STXBP5: variants seen among roughly 807,000 people sequenced by gnomAD.
The protein encoded by STXBP5 is syntaxin binding protein 5.
Under a neutral mutation model 152.4 loss-of-function variants are expected in STXBP5, and 50 were observed. The ratio of observed to expected loss-of-function variants is 0.33; its 90% CI spans 0.26 to 0.42. The LOEUF (loss-of-function observed/expected upper bound fraction) is 0.42. Ranked by LOEUF, STXBP5 falls within the 10% of genes least tolerant of loss-of-function variation. STXBP5 has a pLI of 1.00. For missense variants in STXBP5, 1,167 were observed against 1,388.6 expected (o/e 0.84, Z 2.54); for synonymous variants, 492 against 494.7 (o/e 0.99, Z 0.07).
At chr6:147,241,228 C>G (rs1778524398) in intron 4 of STXBP5, among the ~76,000 whole-genome samples, 1 of 152,112 alleles carries the variant, frequency 6.6e-6, no homozygotes, top group South Asian at 2.1e-4. Flanking sequence ...ATGGTGTTCT[C>G]TGATATTAAC....
intron 25 of STXBP5, among the ~76,000 whole-genome samples, chr6:147,366,012 C>G (rs1178110122): frequency 6.6e-6 from 1 of 152,152 alleles, no homozygotes; most frequent in Non-Finnish European, 1.5e-5. Flanking sequence ...AGATAGGAAT[C>G]AAAGAAGGTG....
intron 9 of STXBP5, among the ~76,000 whole-genome samples, chr6:147,297,373 C>T (rs554513233): frequency 9.5e-4 from 145 of 152,174 alleles, no homozygotes; most frequent in African/African-American, 3.3e-3. Context: ...CAGAAATGAA[C>T]GTGAAATAAA....
intron 18 of STXBP5, among the ~76,000 whole-genome samples, chr6:147,330,287 G>T (rs1287582202): frequency 6.6e-6 from 1 of 152,108 alleles, no homozygotes; most frequent in African/African-American, 2.4e-5. Context: ...TAATGATTGT[G>T]TGTATATTAA....
rs570537951 is a variant in STXBP5, at chr6:147,320,495, G to C, written c.1802+4088G>C. 6.1e-4 allele frequency among the ~76,000 whole-genome samples: 92 copies of C among 152,058 alleles called. 4 individuals carry two copies. In the South Asian group the frequency reaches 0.019, roughly 31 times the overall value. ...AAAGAGGGTAGAGAGAAGCCCAGGAGTTCCACTGACACTCAAGAAAATACA... is the reference window on the plus strand; with the variant it reads ...AAAGAGGGTAGAGAGAAGCCCAGGACTTCCACTGACACTCAAGAAAATACA... On this transcript the variant is annotated intron_variant, in intron 16 of 27. Transcript: ENST00000321680.
intron 9 of STXBP5, among the ~76,000 whole-genome samples, chr6:147,302,172 A>G (rs1781854098): frequency 6.6e-6 from 1 of 152,158 alleles, no homozygotes; most frequent in Non-Finnish European, 1.5e-5. Context: ...TATATAATGA[A>G]GCCTAATGTT....
intron 26 of STXBP5, among the ~76,000 whole-genome samples, chr6:147,381,067 T>A (rs1002013734): frequency 2.6e-5 from 4 of 152,062 alleles, no homozygotes; most frequent in Non-Finnish European, 4.4e-5. Context: ...AAGCATCAGA[T>A]CTGATCTTGT....
At chr6:147,261,449 C>A (rs1582858336) in intron 5 of STXBP5, among the ~76,000 whole-genome samples, 1 of 151,980 alleles carries the variant, frequency 6.6e-6, no homozygotes, top group African/African-American at 2.4e-5. Context: ...ATCAGCAAGA[C>A]CCTTTTGAAT....
intron 16 of STXBP5, among the ~76,000 whole-genome samples, chr6:147,322,588 C>G (rs73586333): frequency 6.6e-6 from 1 of 152,112 alleles, no homozygotes; most frequent in Non-Finnish European, 1.5e-5. Context: ...AATTCAACAT[C>G]GAGTAGTCTT....
At chr6:147,305,031 G>C (rs1419465387) in intron 9 of STXBP5, among the ~76,000 whole-genome samples, 1 of 152,176 alleles carries the variant, frequency 6.6e-6, no homozygotes, top group Non-Finnish European at 1.5e-5. Context: ...CCCAGTGATA[G>C]AGTAAGTCAA....
intron 4 of STXBP5, among the ~76,000 whole-genome samples, chr6:147,248,901 G>C (rs1418369819): frequency 6.6e-6 from 1 of 152,170 alleles, no homozygotes; most frequent in African/African-American, 2.4e-5. Flanking sequence ...AGTGTGAGAA[G>C]GATCCAGTGG....
At chr6:147,333,144 C>T (rs959147211) in intron 18 of STXBP5, among the ~76,000 whole-genome samples, 4 of 152,078 alleles carry the variant, frequency 2.6e-5, no homozygotes, top group African/African-American at 9.7e-5. Flanking sequence ...AAATGCATAC[C>T]TATAATTACA....
At chr6:147,253,479 T>G (rs1242334042) in intron 4 of STXBP5, among the ~76,000 whole-genome samples, 2 of 151,928 alleles carry the variant, frequency 1.3e-5, no homozygotes, top group Non-Finnish European at 1.5e-5. Flanking sequence ...GAGAAAGAAA[T>G]AAAGGATATT....
chr6:147,260,783 A>G (rs777738452), intron 5 of STXBP5, 34 bp downstream of exon 5: 3 of 1,608,148 alleles, frequency 1.9e-6, no homozygotes, highest in South Asian at 2.2e-5. Context: ...ATCTGAAAGC[A>G]TCAGTTCTAT....
At chr6:147,333,364 A>G (rs565049058) in intron 18 of STXBP5, among the ~76,000 whole-genome samples, 33 of 152,170 alleles carry the variant, frequency 2.2e-4, no homozygotes, top group African/African-American at 7.9e-4. Context: ...CCTACTAAAA[A>G]TACAAAAAAA....
At chr6:147,325,281 A>G (rs1475235620) in intron 17 of STXBP5, among the ~76,000 whole-genome samples, 197 bp downstream of exon 17, 1 of 152,192 alleles carries the variant, frequency 6.6e-6, no homozygotes, top group African/African-American at 2.4e-5. Flanking sequence ...TGCATGCAGT[A>G]TTTCCTGATG....
rs752308345 is a variant in STXBP5 at position 147,310,127 on chromosome 6, G to T, written c.961G>T (p.Val321Leu). The change falls in exon 10 of 28, where the codon GTA becomes TTA. Residue 321 changes from valine to leucine, a missense_variant. Val to Leu is a conservative substitution (Grantham distance 32, BLOSUM62 1). Around this residue, in one of 3 missense-constraint regions of STXBP5, gnomAD observed 24 missense variants for 56.2 expected, o/e 0.43. Transcript: ENST00000321680. ...ATCAGGAGGTTTGTCATATGATACT[G>T]TAGGAAGAAGACCTTGCTTAACAGT... is the stretch of plus-strand genomic sequence containing the variant. ...ILSGGLSYDT[V>L]GRRPCLTVMH... 5 of 1,597,396 alleles carry T rather than the reference G, an allele frequency of 3.1e-6. No individual in the cohort carries two copies. In the South Asian group the frequency reaches 4.6e-5, roughly 15 times the overall value.
intron 16 of STXBP5, among the ~76,000 whole-genome samples, chr6:147,324,220 G>A (rs925072854): frequency 4.3e-5 from 5 of 116,932 alleles, no homozygotes; most frequent in East Asian, 4.9e-4. Flanking sequence ...ACAGTTTTTC[G>A]TTATGTTACT....
chr6:147,304,093 A>G (rs1781966204), intron 9 of STXBP5, among the ~76,000 whole-genome samples: 1 of 152,224 alleles, frequency 6.6e-6, no homozygotes. Context: ...GAGGAGCTGA[A>G]TGTTAATCAA....
At chr6:147,280,642 T>C (rs1196808634) in intron 8 of STXBP5, among the ~76,000 whole-genome samples, 1 of 152,226 alleles carries the variant, frequency 6.6e-6, no homozygotes, top group Non-Finnish European at 1.5e-5. Context: ...TGCCAAATAA[T>C]GATTGTCTAG....
Sources: allele counts gnomAD v4.1 joint callset (sites outside exome capture counted in the v4.1 genomes callset), GRCh38; gene constraint gnomAD v4.1.1; regional missense constraint gnomAD v4.1.1; transcripts MANE v1.5; gene names NCBI Gene and HGNC (gene_info 2026-07-23, HGNC 2026-07-21).